The following PEBP4 variants were observed in gnomAD, a reference collection of about 807,000 sequenced individuals.
PEBP4 encodes phosphatidylethanolamine binding protein 4.
A neutral mutation model predicts 23.9 loss-of-function variants in PEBP4; 22 were observed. That is an observed-to-expected ratio of 0.92 (90% confidence interval 0.66 to 1.31). PEBP4 has a LOEUF of 1.31. PEBP4 is among the 40% of genes most tolerant of loss of function. The pLI, the probability that PEBP4 is intolerant of heterozygous loss-of-function variation, is 0.00. For synonymous variants in PEBP4, 112 were observed against 99.3 expected (o/e 1.13, Z -0.76); for missense variants, 324 against 281.7 (o/e 1.15, Z -1.07).
At position 22,865,205 on chromosome 8, in the gene PEBP4, C is replaced by A. The variant is rs2128769385; in HGVS notation, c.259-47470G>T. 6.7e-6 allele frequency among the ~76,000 whole-genome samples: 1 copy of A among 149,266 alleles called. No homozygotes were observed. Among genetic ancestry groups the A allele is most frequent in the South Asian group, 2.1e-4 (1 of 4,742 alleles). ...ACTCAGGTCTGACTCAATGCCATTTCTGAAACAGCCTGGGGGGCGGCGGGA... is the reference window on the plus strand; with the variant it reads ...ACTCAGGTCTGACTCAATGCCATTTATGAAACAGCCTGGGGGGCGGCGGGA... On this transcript the variant is annotated intron_variant, in intron 3 of 6. Coordinates refer to ENST00000256404, the MANE Select transcript of PEBP4 (RefSeq NM_144962.3). The surrounding 1 kb of genome is among the most constrained non-coding windows in gnomAD (Gnocchi z 6.9).
chr8:22,731,670 T>G (rs1052786201), intron 4 of PEBP4, among the ~76,000 whole-genome samples: 2 of 151,412 alleles, frequency 1.3e-5, no homozygotes, highest in Non-Finnish European at 2.9e-5. Context: ...TTTATTTATT[T>G]ATTTTTGAGA....
intron 3 of PEBP4, among the ~76,000 whole-genome samples, chr8:22,841,919 T>C (rs1585302015): frequency 1.3e-5 from 2 of 152,332 alleles, no homozygotes; most frequent in East Asian, 3.9e-4. Flanking sequence ...TGGTTTCCAG[T>C]GCTGCTGCAG....
At chr8:22,898,397 A>C (rs1226085540) in intron 3 of PEBP4, among the ~76,000 whole-genome samples, 91 of 56,026 alleles carry the variant, frequency 1.6e-3, no homozygotes, top group South Asian at 2.7e-3. Flanking sequence ...ACCCCAAAAA[A>C]AAAAAAAAAA....
chr8:22,879,009 C>A (rs1302009664), intron 3 of PEBP4, among the ~76,000 whole-genome samples: 1 of 152,176 alleles, frequency 6.6e-6, no homozygotes. Flanking sequence ...TGTGTTCCTT[C>A]ATCTCTTTAG....
chr8:22,719,475 G>C lies in PEBP4; in HGVS notation c.517+5368C>G, dbSNP rs113177505. The stretch of plus-strand genomic sequence containing the variant: ...CTGAGGCTCAGCCACAGCCAGGGAG[G>C]GGGTGTGTGCGTGGACCATTCTGGG... On this transcript the variant is annotated intron_variant, in intron 6 of 6. Transcript: ENST00000256404. Among the ~76,000 whole-genome samples, 253 of 152,332 alleles carry C rather than the reference G, an allele frequency of 1.7e-3. 1 individual carries two copies. Among genetic ancestry groups the C allele is most frequent in the African/African-American group, 5.7e-3 (235 of 41,574 alleles).
intron 3 of PEBP4, among the ~76,000 whole-genome samples, chr8:22,904,813 G>A (rs28636909): frequency 0.16 from 23,619 of 152,158 alleles, 1,947 homozygotes; most frequent in Middle Eastern, 0.21. Context: ...TCAAGACCAT[G>A]CTTTTTAATG....
chr8:22,910,356 C>T (rs1238735288), intron 3 of PEBP4, among the ~76,000 whole-genome samples: 1 of 152,266 alleles, frequency 6.6e-6, no homozygotes, highest in South Asian at 2.1e-4. Flanking sequence ...TATCACGGCA[C>T]GCATCTCCCT....
chr8:22,750,041 T>C (rs1016902684), intron 4 of PEBP4, among the ~76,000 whole-genome samples: 13 of 151,986 alleles, frequency 8.6e-5, no homozygotes, highest in East Asian at 1.9e-4. Flanking sequence ...CCCGACCTCA[T>C]GTGATCCGCC....
At chr8:22,866,119 A>G (rs1282640530) in intron 3 of PEBP4, among the ~76,000 whole-genome samples, 2 of 152,256 alleles carry the variant, frequency 1.3e-5, no homozygotes, top group Non-Finnish European at 2.9e-5. Context: ...TTTTCAGAGC[A>G]ATTCCACGAC....
At chr8:22,759,098 G>A (rs1359534328) in intron 4 of PEBP4, among the ~76,000 whole-genome samples, 2 of 152,178 alleles carry the variant, frequency 1.3e-5, no homozygotes, top group South Asian at 2.1e-4. Context: ...GTGATCCCAG[G>A]TGGCTAGAGT....
chr8:22,727,057 T>C, intron 5 of PEBP4, 118 bp downstream of exon 5: 3 of 1,093,924 alleles, frequency 2.7e-6, no homozygotes, highest in South Asian at 2.6e-5. Context: ...AATCAGGGCA[T>C]CCAAGAAAAC....
intron 4 of PEBP4, among the ~76,000 whole-genome samples, chr8:22,763,098 G>A (rs1285141492): frequency 1.3e-5 from 2 of 151,872 alleles, no homozygotes; most frequent in Non-Finnish European, 2.9e-5. Flanking sequence ...TCTGCCTCCC[G>A]TGTTCAAGCG....
intron 3 of PEBP4, among the ~76,000 whole-genome samples, chr8:22,842,844 T>C (rs1227970351): frequency 6.6e-6 from 1 of 152,174 alleles, no homozygotes; most frequent in Non-Finnish European, 1.5e-5. Context: ...TTTTTATTTT[T>C]TGAGATAGAG....
intron 4 of PEBP4, among the ~76,000 whole-genome samples, chr8:22,765,743 G>A (rs970297113): frequency 6.6e-6 from 1 of 152,230 alleles, no homozygotes; most frequent in Non-Finnish European, 1.5e-5. Context: ...TCCACGCTGC[G>A]GGTGGGCTCT....
chr8:22,841,228 C>T (rs932982842), intron 3 of PEBP4, among the ~76,000 whole-genome samples: 13 of 152,372 alleles, frequency 8.5e-5, no homozygotes, highest in African/African-American at 2.6e-4. Context: ...TGTCTGACTG[C>T]GAAGCAGCGG....
chr8:22,820,291 C>T (rs1205975527), intron 3 of PEBP4, among the ~76,000 whole-genome samples: 1 of 152,080 alleles, frequency 6.6e-6, no homozygotes, highest in Non-Finnish European at 1.5e-5. Flanking sequence ...GGTAGGTTAC[C>T]AGATAGTATT....
intron 4 of PEBP4, among the ~76,000 whole-genome samples, chr8:22,796,411 G>A (rs1299592198): frequency 6.6e-6 from 1 of 152,166 alleles, no homozygotes; most frequent in East Asian, 1.9e-4. Context: ...CAGAAGGTGT[G>A]CTCAGTAAAT....
intron 3 of PEBP4, among the ~76,000 whole-genome samples, chr8:22,893,374 T>G (rs550229913): frequency 6.6e-6 from 1 of 152,036 alleles, no homozygotes; most frequent in East Asian, 1.9e-4. Context: ...TCACACCTAA[T>G]GAAGTAAAAA....
At chr8:22,800,888 G>C (rs1406099288) in intron 4 of PEBP4, among the ~76,000 whole-genome samples, 1 of 152,022 alleles carries the variant, frequency 6.6e-6, no homozygotes, top group Non-Finnish European at 1.5e-5. Context: ...TCCAGATTTT[G>C]GCTGCCTTTG....
Sources: gnomAD v4.1 joint callset for allele counts (sites outside exome capture counted in the v4.1 genomes callset) on GRCh38, gnomAD v4.1.1 for gene constraint, Gnocchi (gnomAD v3.1) non-coding constraint, MANE v1.5 for transcripts, NCBI Gene and HGNC (gene_info 2026-07-23, HGNC 2026-07-21) for gene names.